CSDC2: variants seen among roughly 807,000 people sequenced by gnomAD.
CSDC2 encodes the protein cold shock domain containing C2, also known as cold shock domain-containing protein C2.
A neutral mutation model predicts 15.8 loss-of-function variants in CSDC2; 8 were observed. That is an observed-to-expected ratio of 0.51 (90% CI 0.30 to 0.92). CSDC2 has a LOEUF of 0.92. CSDC2 is among the 40% of genes least tolerant of loss of function. CSDC2 has a pLI of 0.07. For missense variants in CSDC2, 195 were observed against 213.3 expected, an observed-to-expected ratio of 0.91 and a Z score of 0.53; for synonymous variants, 96 against 92.3, an observed-to-expected ratio of 1.04 and a Z score of -0.23.
At chr22:41,570,094 T>G (rs916136466) in intron 1 of CSDC2, among the ~76,000 whole-genome samples, 1 of 152,194 alleles carries the variant, frequency 6.6e-6, no homozygotes, top group Non-Finnish European at 1.5e-5. Context: ...GTGTGGTTGC[T>G]TCTTGAAGCT....
intron 2 of CSDC2, 99 bp from the exon 3 acceptor site, chr22:41,573,556 G>T: frequency 7.0e-7 from 1 of 1,431,194 alleles, no homozygotes; most frequent in Non-Finnish European, 9.5e-7. Flanking sequence ...GTTTCTCACA[G>T]CCCTGAGGCA....
At position 41,575,027 on chromosome 22, in the gene CSDC2, C is replaced by T. The variant is rs1176638327; in HGVS notation, c.*132C>T. On this transcript the variant is annotated 3_prime_UTR_variant, in exon 4 of 4. Transcript: ENST00000306149. The stretch of plus-strand genomic sequence containing the variant: ...GGCCTCAGTGTGCACGTCTGTCTGT[C>T]CGTCTGTGCTTGTGGCTATGAGCGT... The T allele has an allele frequency of 1.8e-6, 2 of 1,084,692 alleles. No individual in the cohort carries two copies. The highest frequency in any genetic ancestry group is 5.2e-5 in the East Asian group (2 of 38,446). The allele number at this position is 1,084,692 out of a possible 1,614,324, so 67.2% of individuals were successfully genotyped here.
rs2067159075 is a variant in CSDC2, at chr22:41,573,639, A to T, written c.177-16A>T. 2 of 1,605,730 alleles carry T rather than the reference A, an allele frequency of 1.2e-6. No homozygotes were observed. The highest frequency in any genetic ancestry group is 2.7e-5 in the African/African-American group (2 of 74,660). Reference sequence around the variant, plus strand: ...TTCCTCAGGCCACAGCTCCAATCCCACTACCCTATCTCCAGGACAGCCCGG... The same window carrying T: ...TTCCTCAGGCCACAGCTCCAATCCCTCTACCCTATCTCCAGGACAGCCCGG... On this transcript the variant is annotated splice_polypyrimidine_tract_variant and intron_variant, in intron 2 of 3. Transcript: ENST00000306149.
chr22:41,576,514 A>AG lies in CSDC2; in HGVS notation c.*1620dup, dbSNP rs1225762674. 6.5e-6 allele frequency: 1 copy of AG among 152,798 alleles called. No individual in the cohort carries two copies. The highest frequency in any genetic ancestry group is 1.5e-5 in the Non-Finnish European group (1 of 68,428). 9.5% of individuals were successfully genotyped at this position (152,798 alleles called of 1,614,324 possible). On this transcript the variant is annotated 3_prime_UTR_variant, in exon 4 of 4. Coordinates refer to ENST00000306149, the MANE Select transcript of CSDC2 (RefSeq NM_014460.4). ...CTAGCAGTCAGGATATGGTGGCATC[A>AG]GCCCTGGGGCCTCCTGGGTGGCAGG...
At chr22:41,561,535 C>A (rs1054582825) in intron 1 of CSDC2, among the ~76,000 whole-genome samples, 1 of 152,206 alleles carries the variant, frequency 6.6e-6, no homozygotes, top group Admixed American at 6.5e-5. Context: ...ACCAGAGAAA[C>A]CCCAGTGCCG....
At chr22:41,572,371 C>T (rs55797938) in intron 2 of CSDC2, among the ~76,000 whole-genome samples, 1,022 of 59,314 alleles carry the variant, frequency 0.017, 39 homozygotes, top group African/African-American at 0.071. Context: ...CACCCACCCA[C>T]CCACCCACCC....
chr22:41,566,244 GAC>G (rs908436499), intron 1 of CSDC2, among the ~76,000 whole-genome samples: 2 of 151,146 alleles, frequency 1.3e-5, no homozygotes, highest in Non-Finnish European at 2.9e-5. Flanking sequence ...GGGAGATCAA[GAC>G]CATCCTGGCC....
intron 1 of CSDC2, among the ~76,000 whole-genome samples, chr22:41,570,982 C>CAA (rs527329866): frequency 0.025 from 2,029 of 82,292 alleles, 47 homozygotes; most frequent in African/African-American, 0.079. Context: ...GACCATGTCT[C>CAA]AAAAAAAAAA....
rs759514677 is a variant in CSDC2, at chr22:41,571,983, G to T, written c.18G>T (p.Thr6=). The change falls in exon 2 of 4, where the codon ACG becomes ACT. Residue 6 remains threonine, a synonymous_variant. Transcript: ENST00000306149. MTSES[T]SPPVVPPLHS... is the part of the protein sequence containing the mutation. ...GCCCCACCATGACTTCAGAGTCGACGTCACCCCCAGTTGTGCCCCCGCTCC... is the reference window on the plus strand; with the variant it reads ...GCCCCACCATGACTTCAGAGTCGACTTCACCCCCAGTTGTGCCCCCGCTCC... 2 of 1,357,270 alleles carry T rather than the reference G, an allele frequency of 1.5e-6. No homozygotes were observed. The highest frequency in any genetic ancestry group is 1.9e-6 in the Non-Finnish European group (2 of 1,052,948). The allele number at this position is 1,357,270 out of a possible 1,614,324, so 84.1% of individuals were successfully genotyped here. A position where few individuals can be genotyped will look rare whatever the true frequency, so the allele number is the denominator to read the frequency against.
chr22:41,562,551 C>T (rs2067092771), intron 1 of CSDC2, among the ~76,000 whole-genome samples: 1 of 152,070 alleles, frequency 6.6e-6, no homozygotes. Context: ...GGGGGATTCC[C>T]TGAGGGGGAC....
At chr22:41,569,446 A>G (rs1601995351) in intron 1 of CSDC2, among the ~76,000 whole-genome samples, 1 of 152,036 alleles carries the variant, frequency 6.6e-6, no homozygotes, top group Non-Finnish European at 1.5e-5. Context: ...CCTCCTTCCC[A>G]GCCCTGGTGA....
chr22:41,569,331 T>C (rs1273898017), intron 1 of CSDC2, among the ~76,000 whole-genome samples: 4 of 152,188 alleles, frequency 2.6e-5, no homozygotes, highest in Admixed American at 6.5e-5. Context: ...AGTTCAGTTG[T>C]TTTTAGTACA....
Sources: allele counts gnomAD v4.1 joint callset (sites outside exome capture counted in the v4.1 genomes callset), GRCh38; gene constraint gnomAD v4.1.1; transcripts MANE v1.5; gene names NCBI Gene and HGNC (gene_info 2026-07-23, HGNC 2026-07-21).